Variants in KIF13B observed in about 807,000 individuals in gnomAD.
KIF13B encodes kinesin-like protein KIF13B.
Under a neutral mutation model 222.0 loss-of-function variants are expected in KIF13B, and 127 were observed. That is an observed-to-expected ratio of 0.57 (90% confidence interval 0.50 to 0.66). The LOEUF (loss-of-function observed/expected upper bound fraction) is 0.66, where lower values mean the gene tolerates loss of function less well. KIF13B is among the 30% of genes least tolerant of loss of function. The pLI is 0.00. For missense variants in KIF13B, 2,173 were observed against 2,379.0 expected, an observed-to-expected ratio of 0.91 and a Z score of 1.80; for synonymous variants, 976 against 919.0, an observed-to-expected ratio of 1.06 and a Z score of -1.12.
At chr8:29,258,987 C>A (rs1284520598) in intron 1 of KIF13B, among the ~76,000 whole-genome samples, 2 of 152,200 alleles carry the variant, frequency 1.3e-5, no homozygotes, top group Non-Finnish European at 2.9e-5. Context: ...ATCCCCCTAA[C>A]AAGAACAATC....
chr8:29,124,456 C>T (rs1810018834), intron 26 of KIF13B, among the ~76,000 whole-genome samples: 1 of 152,170 alleles, frequency 6.6e-6, no homozygotes, highest in South Asian at 2.1e-4. Context: ...ACTCAATAAT[C>T]TTCCAATATG....
intron 3 of KIF13B, among the ~76,000 whole-genome samples, chr8:29,191,680 ATC>A (rs1442994466): frequency 1.3e-5 from 2 of 152,232 alleles, no homozygotes; most frequent in Non-Finnish European, 2.9e-5. Context: ...CTTACAGATG[ATC>A]TGTTTTGATC....
intron 37 of KIF13B, among the ~76,000 whole-genome samples, chr8:29,082,452 A>G (rs1035511080): frequency 2.0e-5 from 3 of 152,154 alleles, no homozygotes; most frequent in Non-Finnish European, 2.9e-5. Context: ...CAGCCTGGGC[A>G]ACATACCAAG....
chr8:29,150,907 T>C (rs1811267123), intron 14 of KIF13B, among the ~76,000 whole-genome samples: 1 of 151,846 alleles, frequency 6.6e-6, no homozygotes, highest in African/African-American at 2.4e-5. Context: ...AACCTCTAAC[T>C]GTTTAAGTAA....
intron 32 of KIF13B, among the ~76,000 whole-genome samples, chr8:29,110,388 C>T (rs909935678): frequency 6.6e-6 from 1 of 152,160 alleles, no homozygotes; most frequent in Non-Finnish European, 1.5e-5. Context: ...ATGTAACCAC[C>T]GTAAAAACAA....
chr8:29,172,031 T>A (rs1439408338), intron 10 of KIF13B, among the ~76,000 whole-genome samples: 4 of 150,704 alleles, frequency 2.7e-5, no homozygotes, highest in African/African-American at 9.7e-5. Context: ...GTGCTAGGAT[T>A]ACAGGCCTCA....
At chr8:29,125,313 G>A (rs1470455437) in intron 26 of KIF13B, among the ~76,000 whole-genome samples, 3 of 152,112 alleles carry the variant, frequency 2.0e-5, no homozygotes, top group African/African-American at 7.2e-5. Context: ...TTTCTAATAA[G>A]GTTACAAGAC....
intron 37 of KIF13B, among the ~76,000 whole-genome samples, chr8:29,084,491 G>A (rs1807955516): frequency 6.6e-6 from 1 of 152,170 alleles, no homozygotes; most frequent in African/African-American, 2.4e-5. Flanking sequence ...TACCACACGT[G>A]AGGCTATGTT....
At chr8:29,218,706 G>C (rs1262611982) in intron 2 of KIF13B, among the ~76,000 whole-genome samples, 4 of 152,214 alleles carry the variant, frequency 2.6e-5, no homozygotes. Flanking sequence ...AAGCTGTTAA[G>C]AGAGTCATGG....
At chr8:29,085,944 A>G (rs1244742384) in intron 37 of KIF13B, among the ~76,000 whole-genome samples, 1 of 150,796 alleles carries the variant, frequency 6.6e-6, no homozygotes, top group Non-Finnish European at 1.5e-5. Context: ...TTTCATTTCT[A>G]TGGCCCTAGG....
intron 35 of KIF13B, among the ~76,000 whole-genome samples, chr8:29,103,813 A>G (rs1808915306): frequency 6.6e-6 from 1 of 152,106 alleles, no homozygotes; most frequent in African/African-American, 2.4e-5. Flanking sequence ...TCACTAAGTT[A>G]CTCGGGGACC....
chr8:29,099,448 G>A (rs1263336434), intron 35 of KIF13B, among the ~76,000 whole-genome samples: 1 of 151,970 alleles, frequency 6.6e-6, no homozygotes, highest in Non-Finnish European at 1.5e-5. Context: ...CCATCATAGC[G>A]CATGTAACCT....
chr8:29,230,060 T>C (rs925529444), intron 2 of KIF13B, among the ~76,000 whole-genome samples: 7 of 152,198 alleles, frequency 4.6e-5, no homozygotes, highest in African/African-American at 1.4e-4. Flanking sequence ...GTAGGTACCA[T>C]GTACCAGACA....
chr8:29,257,337 T>TG (rs1275936627), intron 1 of KIF13B, among the ~76,000 whole-genome samples: 1 of 151,490 alleles, frequency 6.6e-6, no homozygotes, highest in Non-Finnish European at 1.5e-5. Context: ...GGTCGAGTTT[T>TG]TGTTTTTTTT....
intron 20 of KIF13B, 79 bp downstream of exon 20, chr8:29,140,389 T>C (rs1410648557): frequency 3.6e-5 from 53 of 1,484,768 alleles, no homozygotes; most frequent in Middle Eastern, 3.5e-4. Context: ...TGACAAAAAA[T>C]AGCAACAATA....
At chr8:29,248,695 T>C (rs1016547887) in intron 1 of KIF13B, among the ~76,000 whole-genome samples, 11 of 152,118 alleles carry the variant, frequency 7.2e-5, no homozygotes, top group Non-Finnish European at 1.6e-4. Context: ...CGAGATGGGA[T>C]TTGGGTGGGG....
chr8:29,159,999 T>C (rs1484529307), intron 13 of KIF13B, among the ~76,000 whole-genome samples: 1 of 152,262 alleles, frequency 6.6e-6, no homozygotes, highest in African/African-American at 2.4e-5. Context: ...CCAACAGTTA[T>C]CAACTCTGTG....
intron 2 of KIF13B, among the ~76,000 whole-genome samples, chr8:29,229,395 T>C (rs910001291): frequency 2.0e-5 from 3 of 152,216 alleles, no homozygotes; most frequent in African/African-American, 7.2e-5. Flanking sequence ...GTAACACCTT[T>C]GAGTCTCATT....
chr8:29,222,406 TTTTC>T (rs750121369), intron 2 of KIF13B, among the ~76,000 whole-genome samples: 5 of 152,136 alleles, frequency 3.3e-5, no homozygotes, highest in African/African-American at 4.8e-5. Flanking sequence ...CATTATTTTG[TTTTC>T]TTTATTTTGG....
Sources: gnomAD v4.1 joint callset for allele counts (sites outside exome capture counted in the v4.1 genomes callset) on GRCh38, gnomAD v4.1.1 for gene constraint, MANE v1.5 for transcripts, NCBI Gene and HGNC (gene_info 2026-07-23, HGNC 2026-07-21) for gene names.